The following C18orf54 variants were observed in gnomAD, a reference collection of about 807,000 sequenced individuals.
C18orf54 encodes chromosome 18 open reading frame 54, also known as lung adenoma susceptibility protein 2.
A neutral mutation model predicts 49.3 loss-of-function variants in C18orf54; 49 were observed. The ratio of observed to expected loss-of-function variants is 0.99; its 90% CI spans 0.79 to 1.26. The LOEUF (loss-of-function observed/expected upper bound fraction) is 1.26, where lower values mean the gene tolerates loss of function less well. Ranked by LOEUF, C18orf54 falls within the 50% of genes most tolerant of loss-of-function variation. The pLI is 0.00. For synonymous variants in C18orf54, 211 were observed against 216.6 expected (o/e 0.97, Z 0.23); for missense variants, 687 against 620.6 (o/e 1.11, Z -1.14).
intron 6 of C18orf54, among the ~76,000 whole-genome samples, chr18:54,370,846 A>G (rs1457787505): frequency 6.6e-6 from 1 of 152,072 alleles, no homozygotes; most frequent in Non-Finnish European, 1.5e-5. Context: ...AAGTTCTAAA[A>G]TAAGATAGTG....
At chr18:54,376,353 C>T (rs758823166) in intron 8 of C18orf54, among the ~76,000 whole-genome samples, 25 of 152,346 alleles carry the variant, frequency 1.6e-4, no homozygotes, top group Admixed American at 5.2e-4. Context: ...TGCATGCCAC[C>T]ATGCCCGGCT....
intron 7 of C18orf54, 38 bp from the exon 8 acceptor site, chr18:54,374,176 T>C: frequency 7.0e-7 from 1 of 1,424,948 alleles, no homozygotes; most frequent in Non-Finnish European, 9.5e-7. Flanking sequence ...AGTTATATAA[T>C]TTTAATATTT....
chr18:54,361,964 CA>C lies in C18orf54; in HGVS notation c.609del (p.Lys203AsnfsTer3). On this transcript the variant is annotated frameshift_variant, in exon 4 of 9. Transcript: ENST00000620105. LOFTEE classifies it high-confidence loss of function. ...NGKQCGRLKN[P>X]KLMNRTNNCI... The stretch of plus-strand genomic sequence containing the variant: ...AAGCAATGTGGTAGGCTGAAAAACC[CA>C]AAACTTATGAATAGGACTAATAATT... 1 of 1,613,888 alleles carries C rather than the reference CA, an allele frequency of 6.2e-7. No homozygotes were observed. Among genetic ancestry groups the C allele is most frequent in the Non-Finnish European group, 8.5e-7 (1 of 1,179,960 alleles).
intron 6 of C18orf54, among the ~76,000 whole-genome samples, chr18:54,368,054 G>A (rs1197265047): frequency 2.6e-5 from 4 of 151,670 alleles, no homozygotes; most frequent in African/African-American, 9.7e-5. Context: ...ATTTCTGTTT[G>A]TTGACTTTGT....
At chr18:54,373,367 A>G (rs11659776) in intron 7 of C18orf54, among the ~76,000 whole-genome samples, 141,859 of 151,714 alleles carry the variant, frequency 0.94, 66,363 homozygotes, top group East Asian at 1. Flanking sequence ...GAAATGGCTA[A>G]GGGAGCTAAT....
chr18:54,376,900 C>T lies in C18orf54; in HGVS notation c.1530-1274C>T, dbSNP rs114096672. 1.8e-3 allele frequency among the ~76,000 whole-genome samples: 277 copies of T among 152,196 alleles called. 3 individuals are homozygous for T. The highest frequency in any genetic ancestry group is 6.3e-3 in the African/African-American group (261 of 41,532). On this transcript the variant is annotated intron_variant, in intron 8 of 8. Coordinates refer to ENST00000620105, the MANE Select transcript of C18orf54 (RefSeq NM_001288980.2). ...AAAGTGGAAGATGCAGTTTATTATA[C>T]ATTTATTGAACAACTACTGTGTGTT... is the stretch of plus-strand genomic sequence containing the variant.
At chr18:54,361,531 G>C (rs1026972529) in intron 3 of C18orf54, 112 bp from the exon 4 acceptor site, 2 of 892,268 alleles carry the variant, frequency 2.2e-6, no homozygotes, top group Non-Finnish European at 1.7e-6. Flanking sequence ...CAAAGCTTTA[G>C]TGAGGATAAG....
chr18:54,376,705 A>T (rs1346321569), intron 8 of C18orf54, among the ~76,000 whole-genome samples: 2 of 152,234 alleles, frequency 1.3e-5, no homozygotes, highest in Non-Finnish European at 2.9e-5. Flanking sequence ...CACTTAGTCA[A>T]TGAAGGTGGG....
chr18:54,362,045 C>T lies in C18orf54; in HGVS notation c.686C>T (p.Ser229Leu), dbSNP rs184722438. The change falls in exon 4 of 9, where the codon TCA (serine) becomes TTA (leucine). Residue 229 changes from serine (S) to leucine (L), a missense_variant. Ser to Leu is a moderately radical substitution (Grantham distance 145). Coordinates refer to ENST00000620105, the MANE Select transcript of C18orf54 (RefSeq NM_001288980.2). ...AAGAAATCGTCTTTCAAGGACAGTT[C>T]AGAACACAGTCTTGAAAAGAATTAC... ...FPKKSSFKDS[S>L]EHSLEKNYPR... The T allele has an allele frequency of 1.1e-4, 170 of 1,571,558 alleles. No individual in the cohort carries two copies. In the African/African-American group the frequency reaches 1.9e-3, roughly 18 times the overall value.
chr18:54,368,145 A>G (rs2089420454), intron 6 of C18orf54, among the ~76,000 whole-genome samples: 1 of 152,084 alleles, frequency 6.6e-6, no homozygotes, highest in Non-Finnish European at 1.5e-5. Context: ...TTTTTAAAAA[A>G]ACATGATTTT....
At chr18:54,367,108 T>A (rs550163838) in intron 6 of C18orf54, among the ~76,000 whole-genome samples, 23 of 152,244 alleles carry the variant, frequency 1.5e-4, no homozygotes, top group African/African-American at 4.3e-4. Context: ...TTATCCATTC[T>A]GGAAGTCCAT....
chr18:54,363,664 G>A (rs879298040), intron 5 of C18orf54, among the ~76,000 whole-genome samples: 5 of 152,044 alleles, frequency 3.3e-5, no homozygotes, highest in Non-Finnish European at 5.9e-5. Context: ...CCTTTTAGTT[G>A]TTGTTTTCCT....
At position 54,365,563 on chromosome 18, in the gene C18orf54, A is replaced by G. The variant is rs576628455; in HGVS notation, c.1224-156A>G. ...CTGGTATCAGTTTAGGGAGAAGATA[A>G]GGGAATTACCATACAACATTAATAT... is the stretch of plus-strand genomic sequence containing the variant. On this transcript the variant is annotated intron_variant, in intron 5 of 8. Coordinates refer to ENST00000620105, the MANE Select transcript of C18orf54 (RefSeq NM_001288980.2). Among the ~76,000 whole-genome samples the G allele has an allele frequency of 2.0e-5, 3 of 152,036 alleles. No individual in the cohort carries two copies. The East Asian group carries it at 5.8e-4, about 29-fold the overall frequency.
Position 54,380,767 on chromosome 18 carries a change from T to C in C18orf54, c.*2521T>C, listed in dbSNP as rs1046699. 2.0e-5 allele frequency: 3 copies of C among 152,088 alleles called. No individual in the cohort carries two copies. In the South Asian group the frequency reaches 6.2e-4, roughly 32 times the overall value. 9.4% of individuals were successfully genotyped at this position (152,088 alleles called of 1,614,324 possible). A position where few individuals can be genotyped will look rare whatever the true frequency, so the allele number is the denominator to read the frequency against. On this transcript the variant is annotated 3_prime_UTR_variant, in exon 9 of 9. Transcript: ENST00000620105. ...GTTATACCAAAATATTGCCTGAAGA[T>C]AAATCATGACAAGGTCCCCTGTTTA...
rs2089254378 is a variant in C18orf54, at chr18:54,360,823, A to T, written c.251A>T (p.Gln84Leu). 6.2e-7 allele frequency: 1 copy of T among 1,612,822 alleles called. No individual in the cohort carries two copies. Among genetic ancestry groups the T allele is most frequent in the Non-Finnish European group, 8.5e-7 (1 of 1,179,226 alleles). The change falls in exon 3 of 9, where the codon CAG (glutamine) becomes CTG (leucine). Residue 84 changes from glutamine (Q) to leucine (L), a missense_variant. Physicochemically the swap from Gln to Leu is moderately radical, Grantham distance 113 (BLOSUM62 -2). Coordinates refer to ENST00000620105, the MANE Select transcript of C18orf54 (RefSeq NM_001288980.2). ...NIDEDFTNMS[Q>L]FCNYIYKPNN... is the part of the protein sequence containing the mutation. ...GATGAGGATTTTACTAATATGTCAC[A>T]GTTCTGCAACTATATTTACAAACCA...
At chr18:54,368,104 ATCTG>A (rs944185993) in intron 6 of C18orf54, among the ~76,000 whole-genome samples, 8 of 151,950 alleles carry the variant, frequency 5.3e-5, no homozygotes, top group African/African-American at 1.7e-4. Flanking sequence ...TGGTCAAATT[ATCTG>A]TCTGTGTTTT....
In C18orf54 at chr18:54,360,867, T is replaced by G; in HGVS notation, c.283+12T>G. ...CAAACCAAACAATGGTATGCTTTTA[T>G]TCTTTGTTTTCTTTGTGTTCAGATG... is the stretch of plus-strand genomic sequence containing the variant. On this transcript the variant is annotated intron_variant, in intron 3 of 8. Transcript: ENST00000620105. 2 of 1,595,002 alleles carry G rather than the reference T, an allele frequency of 1.3e-6. No homozygotes were observed. Among genetic ancestry groups the G allele is most frequent in the Non-Finnish European group, 1.7e-6 (2 of 1,167,920 alleles).
At chr18:54,377,009 G>A (rs2089585337) in intron 8 of C18orf54, among the ~76,000 whole-genome samples, 4 of 104,656 alleles carry the variant, frequency 3.8e-5, no homozygotes. Flanking sequence ...TTATTACACA[G>A]CTTATGTTTT....
rs1285752729 is a variant in C18orf54, at chr18:54,381,293, A to G, written c.*3047A>G. The G allele has an allele frequency of 2.7e-5, 4 of 150,774 alleles. No homozygotes were observed. Among genetic ancestry groups the G allele is most frequent in the Admixed American group, 2.6e-4 (4 of 15,112 alleles). The allele number at this position is 150,774 out of a possible 1,614,324, so 9.3% of individuals were successfully genotyped here. A position where few individuals can be genotyped will look rare whatever the true frequency, so the allele number is the denominator to read the frequency against. On this transcript the variant is annotated 3_prime_UTR_variant, in exon 9 of 9. Coordinates refer to ENST00000620105, the MANE Select transcript of C18orf54 (RefSeq NM_001288980.2). ...AAAAATCTTAGCTTTTCATCCTCCCAGTGTATTCTGCATTGTCCTTACCCT... is the reference window on the plus strand; with the variant it reads ...AAAAATCTTAGCTTTTCATCCTCCCGGTGTATTCTGCATTGTCCTTACCCT...
Sources: gnomAD v4.1 joint callset for allele counts (sites outside exome capture counted in the v4.1 genomes callset) on GRCh38, gnomAD v4.1.1 for gene constraint, MANE v1.5 for transcripts, NCBI Gene and HGNC (gene_info 2026-07-23, HGNC 2026-07-21) for gene names.